The following PTGR1 variants were observed in gnomAD, a reference collection of about 807,000 sequenced individuals.
The protein encoded by PTGR1 is prostaglandin reductase 1.
Under a neutral mutation model 37.7 loss-of-function variants are expected in PTGR1, and 23 were observed. The observed-to-expected ratio is 0.61, with a 90% confidence interval of 0.44 to 0.86. The LOEUF (loss-of-function observed/expected upper bound fraction) is 0.86. Ranked by LOEUF, PTGR1 falls within the 40% of genes least tolerant of loss-of-function variation. PTGR1 has a pLI of 0.00. For missense variants in PTGR1, 351 were observed against 394.3 expected, an observed-to-expected ratio of 0.89 and a Z score of 0.93; for synonymous variants, 134 against 140.0, an observed-to-expected ratio of 0.96 and a Z score of 0.30.
intron 4 of PTGR1, 128 bp downstream of exon 4, chr9:111,592,798 C>T (rs1829657435): frequency 1.6e-6 from 2 of 1,270,318 alleles, no homozygotes; most frequent in African/African-American, 1.5e-5. Flanking sequence ...CAAGTTGATT[C>T]CAAGATCACA....
In PTGR1 at chr9:111,574,904, T is replaced by A. The variant is rs181058170; in HGVS notation, c.652-62A>T. 194 of 1,310,602 alleles carry A rather than the reference T, an allele frequency of 1.5e-4. 1 individual carries two copies. The African/African-American group carries it at 2.4e-3, about 16-fold the overall frequency. 81.2% of individuals were successfully genotyped at this position (1,310,602 alleles called of 1,614,324 possible). A position where few individuals can be genotyped will look rare whatever the true frequency, so the allele number is the denominator to read the frequency against. ...AAATACTAGAGATTCAGGAGAATCA[T>A]TAAGTCACAAGCATTATTTTACAAT... On this transcript the variant is annotated intron_variant, in intron 7 of 9. Transcript: ENST00000407693.
At chr9:111,558,463 A>G (rs77125849), downstream of PTGR1, among the ~76,000 whole-genome samples, 10,220 of 152,200 alleles carry the variant, frequency 0.067, 463 homozygotes, top group African/African-American at 0.12. Context: ...GGATCTCTTT[A>G]GCCTGGGAGT....
At chr9:111,585,781 G>A (rs1434425394) in intron 5 of PTGR1, among the ~76,000 whole-genome samples, 1 of 152,188 alleles carries the variant, frequency 6.6e-6, no homozygotes, top group Non-Finnish European at 1.5e-5. Context: ...AGGCTGGATA[G>A]TATTCTGCTA....
chr9:111,587,396 G>C (rs1261986013), intron 4 of PTGR1, among the ~76,000 whole-genome samples: 2 of 152,030 alleles, frequency 1.3e-5, no homozygotes, highest in Non-Finnish European at 2.9e-5. Flanking sequence ...GCTAACATTT[G>C]GGTGTATTTT....
intron 6 of PTGR1, among the ~76,000 whole-genome samples, chr9:111,581,692 G>C (rs1235615577): frequency 6.6e-6 from 1 of 151,912 alleles, no homozygotes; most frequent in Non-Finnish European, 1.5e-5. Flanking sequence ...GACTGGTCTT[G>C]AACTTCTGAG....
intron 9 of PTGR1, among the ~76,000 whole-genome samples, chr9:111,554,723 T>A (rs1828070613): frequency 6.6e-6 from 1 of 152,174 alleles, no homozygotes; most frequent in South Asian, 2.1e-4. Context: ...ATACTGGAAT[T>A]TTTTATTTCT....
intron 5 of PTGR1, among the ~76,000 whole-genome samples, chr9:111,585,420 A>G (rs1829400692): frequency 6.6e-6 from 1 of 152,198 alleles, no homozygotes; most frequent in Admixed American, 6.5e-5. Context: ...TCACCCATAG[A>G]GGGTACAGGG....
rs776282913 is a variant in PTGR1, at chr9:111,574,740, G to T, written c.754C>A (p.Pro252Thr). 26 of 1,611,108 alleles carry T rather than the reference G, an allele frequency of 1.6e-5. No individual in the cohort carries two copies. The highest frequency in any genetic ancestry group is 2.1e-5 in the Non-Finnish European group (25 of 1,178,376). Residue 252 changes from proline (P) to threonine (T), a missense_variant, in exon 8 of 10, where the codon CCC becomes ACC. Physicochemically the swap from Pro to Thr is conservative, Grantham distance 38. Transcript: ENST00000407693. ...GTGTGCATGTGCTCATTACCTGGGG[G>T]AAGTGGGCCGGTTCTGTTATATGTA... Reference protein sequence around the residue: ...ISTYNRTGPLPPGPPPEIVIY... With the variant: ...ISTYNRTGPLTPGPPPEIVIY...
At position 111,578,933 on chromosome 9, in the gene PTGR1, C is replaced by T; in HGVS notation, c.514G>A (p.Ala172Thr). The stretch of plus-strand genomic sequence containing the variant: ...GCAACCTTTTCATCAGACCCTACTG[C>T]TCCAACAACTTTGCAGCCCTAAGTA... ...AKLKGCKVVG[A>T]VGSDEKVAYL... Residue 172 changes from alanine (A) to threonine (T), a missense_variant, in exon 7 of 10, where the codon GCA (alanine) becomes ACA (threonine). Transcript: ENST00000407693. The T allele has an allele frequency of 6.3e-7, 1 of 1,598,638 alleles. No homozygotes were observed. Among genetic ancestry groups the T allele is most frequent in the Admixed American group, 1.8e-5 (1 of 55,830 alleles).
At chr9:111,593,920 G>GT (rs897448155) in intron 3 of PTGR1, among the ~76,000 whole-genome samples, 27 of 60,306 alleles carry the variant, frequency 4.5e-4, no homozygotes, top group South Asian at 1.3e-3. Flanking sequence ...TTCTTTTAAG[G>GT]TTTTTTTTTT....
At chr9:111,581,743 T>G (rs991825120) in intron 6 of PTGR1, among the ~76,000 whole-genome samples, 5 of 152,158 alleles carry the variant, frequency 3.3e-5, no homozygotes, top group African/African-American at 1.2e-4. Flanking sequence ...TCTGAGAAGC[T>G]GAGATTATAG....
At chr9:111,570,358 G>A in intron 8 of PTGR1, 149 bp from the exon 9 acceptor site, 1 of 1,342,574 alleles carries the variant, frequency 7.4e-7, no homozygotes, top group Non-Finnish European at 9.9e-7. Flanking sequence ...TGATCCACGG[G>A]ACTGCTGGCC....
chr9:111,598,778 A>T (rs958950029), intron 1 of PTGR1, among the ~76,000 whole-genome samples: 8 of 152,150 alleles, frequency 5.3e-5, no homozygotes, highest in African/African-American at 1.9e-4. Context: ...TACAGGCGTG[A>T]GCCACCGCGC....
intron 9 of PTGR1, among the ~76,000 whole-genome samples, chr9:111,556,276 C>G (rs1828119271): frequency 6.6e-6 from 1 of 152,250 alleles, no homozygotes; most frequent in Non-Finnish European, 1.5e-5. Context: ...CCCTGTTACT[C>G]TGCAGGGTAC....
chr9:111,590,276 T>C (rs1188977802), intron 4 of PTGR1, among the ~76,000 whole-genome samples: 1 of 152,144 alleles, frequency 6.6e-6, no homozygotes, highest in East Asian at 1.9e-4. Context: ...GCATAAAGTA[T>C]CATTATATTT....
chr9:111,561,151 G>C (rs1274292553), downstream of PTGR1, among the ~76,000 whole-genome samples: 18 of 23,860 alleles, frequency 7.5e-4, 1 homozygote, highest in East Asian at 4.4e-3. Flanking sequence ...GAGAGAGGGA[G>C]AGAGAGAGAG....
chr9:111,565,055 C>A (rs1049922827), intron 9 of PTGR1, among the ~76,000 whole-genome samples: 2 of 151,976 alleles, frequency 1.3e-5, no homozygotes, highest in Admixed American at 1.3e-4. Context: ...ACCCGGCAGG[C>A]GGAGGTTGCA....
chr9:111,585,767 T>C (rs1284575021), intron 5 of PTGR1, among the ~76,000 whole-genome samples: 1 of 152,240 alleles, frequency 6.6e-6, no homozygotes, highest in Non-Finnish European at 1.5e-5. Flanking sequence ...TTTCTTCTTT[T>C]TTAAGGCTGG....
chr9:111,594,851 CTTTTTTTT>C (rs35698448), intron 2 of PTGR1, among the ~76,000 whole-genome samples: 4 of 95,700 alleles, frequency 4.2e-5, no homozygotes, highest in African/African-American at 1.7e-4. Flanking sequence ...CGACCGGCCT[CTTTTTTTT>C]TTTTTTTTTT....
Sources: allele counts gnomAD v4.1 joint callset (sites outside exome capture counted in the v4.1 genomes callset), GRCh38; gene constraint gnomAD v4.1.1; transcripts MANE v1.5; gene names NCBI Gene and HGNC (gene_info 2026-07-23, HGNC 2026-07-21).